EYS: variants seen among roughly 807,000 people sequenced by gnomAD.
EYS encodes the protein EGF-like photoreceptor maintenance factor, also known as protein eyes shut homolog.
Under a neutral mutation model 282.1 loss-of-function variants are expected in EYS, and 250 were observed. That is an observed-to-expected ratio of 0.89 (90% confidence interval 0.80 to 0.98). EYS has a LOEUF of 0.98. EYS is among the 50% of genes least tolerant of loss of function. EYS has a pLI of 0.00. For missense variants in EYS, 4,016 were observed against 3,709.0 expected, an observed-to-expected ratio of 1.08 and a Z score of -2.15; for synonymous variants, 1,355 against 1,282.9, an observed-to-expected ratio of 1.06 and a Z score of -1.20.
intron 2 of EYS, among the ~76,000 whole-genome samples, chr6:65,520,126 T>A (rs1012546874): frequency 6.6e-6 from 1 of 152,092 alleles, no homozygotes; most frequent in Non-Finnish European, 1.5e-5. Flanking sequence ...CCTCTGGCTA[T>A]CCAAAATAAA....
intron 33 of EYS, among the ~76,000 whole-genome samples, chr6:64,060,359 G>C (rs980271078): frequency 1.3e-5 from 2 of 150,402 alleles, no homozygotes; most frequent in African/African-American, 5.0e-5. Context: ...AATACCATCT[G>C]GTCAAGCAAG....
chr6:64,569,827 A>G (rs548081616), intron 26 of EYS, among the ~76,000 whole-genome samples: 1 of 152,324 alleles, frequency 6.6e-6, no homozygotes, highest in South Asian at 2.1e-4. Flanking sequence ...TAACTGGTGT[A>G]CCTGAAAGTG....
chr6:64,573,738 G>A (rs1484436000), intron 26 of EYS, among the ~76,000 whole-genome samples: 1 of 152,070 alleles, frequency 6.6e-6, no homozygotes, highest in Non-Finnish European at 1.5e-5. Flanking sequence ...GCCATCTCAC[G>A]CCAGTTAGAA....
chr6:63,788,972 G>A, intron 38 of EYS, 86 bp downstream of exon 38: 1 of 1,346,188 alleles, frequency 7.4e-7, no homozygotes. Flanking sequence ...AGGCATCATG[G>A]GCTATTCACC....
intron 7 of EYS, among the ~76,000 whole-genome samples, chr6:65,397,012 T>C (rs1766302695): frequency 6.6e-6 from 1 of 151,834 alleles, no homozygotes; most frequent in Non-Finnish European, 1.5e-5. Flanking sequence ...TTGTCTGTAT[T>C]TTTATCATCC....
At position 65,086,171 on chromosome 6, in the gene EYS, C is replaced by T. The variant is rs186583271; in HGVS notation, c.2024-28444G>A. ...TATCTACTAAAAATACAAAAATTAG[C>T]TGGGCATAGTGGCACATGCCTATAA... On this transcript the variant is annotated intron_variant, in intron 12 of 42. Coordinates refer to ENST00000503581, the MANE Select transcript of EYS (RefSeq NM_001142800.2). Among the ~76,000 whole-genome samples, 98 of 152,058 alleles carry T rather than the reference C, an allele frequency of 6.4e-4. 2 individuals carry two copies. The highest frequency in any genetic ancestry group is 1.8e-4 in the Non-Finnish European group (12 of 67,998).
chr6:64,634,465 T>G (rs972764114), intron 22 of EYS, among the ~76,000 whole-genome samples: 1 of 151,458 alleles, frequency 6.6e-6, no homozygotes, highest in African/African-American at 2.4e-5. Flanking sequence ...CATGGATAGC[T>G]CATAGGCTAA....
At chr6:64,845,595 C>T (rs1190379912) in intron 19 of EYS, among the ~76,000 whole-genome samples, 1 of 151,954 alleles carries the variant, frequency 6.6e-6, no homozygotes, top group East Asian at 1.9e-4. Context: ...GTTTTGCTCC[C>T]AACTTCGGGA....
intron 12 of EYS, among the ~76,000 whole-genome samples, chr6:65,096,836 C>T (rs1774753344): frequency 6.6e-6 from 1 of 150,944 alleles, no homozygotes; most frequent in Non-Finnish European, 1.5e-5. Flanking sequence ...ACACCCTACA[C>T]CAAAATCAAC....
At chr6:65,218,678 G>A (rs1484269568) in intron 12 of EYS, among the ~76,000 whole-genome samples, 3 of 152,080 alleles carry the variant, frequency 2.0e-5, no homozygotes, top group Non-Finnish European at 4.4e-5. Context: ...AGCCACTCAA[G>A]ATTTGTGAGA....
chr6:63,900,218 C>T (rs982582542), intron 35 of EYS, among the ~76,000 whole-genome samples: 1 of 151,906 alleles, frequency 6.6e-6, no homozygotes, highest in Admixed American at 6.6e-5. Flanking sequence ...ATCCTTAGCA[C>T]AGAATAATAA....
intron 31 of EYS, among the ~76,000 whole-genome samples, chr6:64,177,530 C>A (rs1022193379): frequency 1.3e-5 from 2 of 151,938 alleles, no homozygotes; most frequent in Admixed American, 6.6e-5. Context: ...TATGAATATG[C>A]ATGACATATT....
intron 12 of EYS, among the ~76,000 whole-genome samples, chr6:65,154,679 C>G (rs534892937): frequency 4.0e-5 from 6 of 151,626 alleles, no homozygotes; most frequent in African/African-American, 1.4e-4. Context: ...AGTCCCTTCA[C>G]TAAGTACATT....
intron 1 of EYS, among the ~76,000 whole-genome samples, chr6:65,655,720 T>C (rs536111309): frequency 2.0e-5 from 3 of 151,862 alleles, no homozygotes; most frequent in Non-Finnish European, 4.4e-5. Flanking sequence ...AAGATGTGAC[T>C]GAATTGCTGC....
intron 33 of EYS, among the ~76,000 whole-genome samples, chr6:64,019,984 C>A (rs1290505686): frequency 4.6e-5 from 7 of 151,538 alleles, no homozygotes; most frequent in Non-Finnish European, 5.9e-5. Flanking sequence ...GATCAGAAAG[C>A]AATAGTGTAT....
At chr6:64,939,422 A>G (rs1769015845) in intron 15 of EYS, among the ~76,000 whole-genome samples, 1 of 152,098 alleles carries the variant, frequency 6.6e-6, no homozygotes, top group African/African-American at 2.4e-5. Context: ...ACAATAAGCC[A>G]TGTCAGGGTT....
rs111896156 is a variant in EYS at position 65,132,048 on chromosome 6, A to G, written c.2024-74321T>C. Reference sequence around the variant, plus strand: ...AGTTGATTCCCTGAACAGACCAATAACAAGCTCTGAAATTGAATCAATAAT... The same window carrying G: ...AGTTGATTCCCTGAACAGACCAATAGCAAGCTCTGAAATTGAATCAATAAT... On this transcript the variant is annotated intron_variant, in intron 12 of 42. Transcript: ENST00000503581. Among the ~76,000 whole-genome samples the G allele has an allele frequency of 6.7e-3, 1,014 of 152,080 alleles. 7 individuals are homozygous for G. Among genetic ancestry groups the G allele is most frequent in the African/African-American group, 0.022 (921 of 41,538 alleles).
intron 28 of EYS, among the ~76,000 whole-genome samples, chr6:64,399,510 C>A (rs760318743): frequency 6.6e-6 from 1 of 151,704 alleles, no homozygotes; most frequent in Non-Finnish European, 1.5e-5. Context: ...CTTGGGAAGT[C>A]ATCTCACCCT....
chr6:64,819,796 G>T (rs1164166790), intron 21 of EYS, among the ~76,000 whole-genome samples: 1 of 151,804 alleles, frequency 6.6e-6, no homozygotes, highest in Non-Finnish European at 1.5e-5. Flanking sequence ...CTTTATAAAA[G>T]ATTTGCATTT....
Sources: allele counts gnomAD v4.1 joint callset (sites outside exome capture counted in the v4.1 genomes callset), GRCh38; gene constraint gnomAD v4.1.1; transcripts MANE v1.5; gene names NCBI Gene and HGNC (gene_info 2026-07-23, HGNC 2026-07-21).